Variants in PTPN13 observed in about 807,000 individuals in gnomAD.
PTPN13 encodes protein tyrosine phosphatase non-receptor type 13.
A neutral mutation model predicts 284.0 loss-of-function variants in PTPN13; 191 were observed. That is an observed-to-expected ratio of 0.67 (90% confidence interval 0.60 to 0.76). The LOEUF (loss-of-function observed/expected upper bound fraction) is 0.76. Ranked by LOEUF, PTPN13 falls within the 30% of genes least tolerant of loss-of-function variation. The pLI is 0.00. For missense variants in PTPN13, 2,797 were observed against 2,939.9 expected (o/e 0.95, Z 1.12); for synonymous variants, 986 against 1,022.3 (o/e 0.96, Z 0.68).
intron 2 of PTPN13, among the ~76,000 whole-genome samples, chr4:86,671,735 T>A (rs1273312091): frequency 2.0e-5 from 3 of 152,226 alleles, no homozygotes; most frequent in Admixed American, 6.5e-5. Flanking sequence ...AGATAAAATC[T>A]AAATTCAAGC....
chr4:86,680,450 G>T (rs918514428), intron 3 of PTPN13, among the ~76,000 whole-genome samples: 5 of 150,462 alleles, frequency 3.3e-5, no homozygotes, highest in Non-Finnish European at 5.9e-5. Flanking sequence ...TTTCACATAT[G>T]TACTTAATTG....
At position 86,775,446 on chromosome 4, in the gene PTPN13, T is replaced by G. The variant is rs762454567; in HGVS notation, c.5685T>G (p.Phe1895Leu). 6.2e-7 allele frequency: 1 copy of G among 1,603,806 alleles called. No homozygotes were observed. Among genetic ancestry groups the G allele is most frequent in the East Asian group, 2.2e-5 (1 of 44,806 alleles). ...TLTCNKEELG[F>L]SLCGGHDSLY... ...AATATTTTCTATTATTTCAAGGTTT[T>G]TCCTTATGTGGAGGTCATGACAGCC... Residue 1895 changes from phenylalanine (F) to leucine (L), a missense_variant, in exon 35 of 48, where the codon TTT (phenylalanine) becomes TTG (leucine). Coordinates refer to ENST00000411767, the MANE Select transcript of PTPN13 (RefSeq NM_080683.3).
chr4:86,783,039 A>C, intron 37 of PTPN13, among the ~76,000 whole-genome samples: 1 of 152,202 alleles, frequency 6.6e-6, no homozygotes, highest in Non-Finnish European at 1.5e-5. Context: ...TGTAAAATAC[A>C]GCGCTGAGGG....
At chr4:86,656,829 T>C (rs1725878155) in intron 2 of PTPN13, among the ~76,000 whole-genome samples, 1 of 152,082 alleles carries the variant, frequency 6.6e-6, no homozygotes, top group African/African-American at 2.4e-5. Context: ...AGAGGTGGAG[T>C]CTACAGAGGC....
intron 45 of PTPN13, among the ~76,000 whole-genome samples, chr4:86,808,245 T>G (rs983984294): frequency 4.6e-5 from 7 of 152,244 alleles, no homozygotes; most frequent in Non-Finnish European, 8.8e-5. Context: ...GTAGACTCAT[T>G]GAAACTACTT....
At chr4:86,654,431 T>C (rs947344738) in intron 2 of PTPN13, among the ~76,000 whole-genome samples, 3 of 152,192 alleles carry the variant, frequency 2.0e-5, no homozygotes, top group Non-Finnish European at 4.4e-5. Context: ...TCCCAGAGAT[T>C]CTGGTATGTT....
At chr4:86,655,680 T>C (rs1432373772) in intron 2 of PTPN13, among the ~76,000 whole-genome samples, 1 of 152,202 alleles carries the variant, frequency 6.6e-6, no homozygotes, top group African/African-American at 2.4e-5. Flanking sequence ...TAACATTTTT[T>C]CCTTCATTTC....
chr4:86,688,600 ATTATAT>A (rs1159184052), intron 4 of PTPN13, among the ~76,000 whole-genome samples: 1 of 152,108 alleles, frequency 6.6e-6, no homozygotes, highest in Non-Finnish European at 1.5e-5. Context: ...GGAGTATCTA[ATTATAT>A]TTATACACAT....
In PTPN13 at chr4:86,722,198, T is replaced by A; in HGVS notation, c.1386-14T>A. ...TTCCTCCCAATCCTCACCTGTCTCCTCTTTTCTATATAGCAGACAATATGA... is the reference window on the plus strand; with the variant it reads ...TTCCTCCCAATCCTCACCTGTCTCCACTTTTCTATATAGCAGACAATATGA... On this transcript the variant is annotated splice_polypyrimidine_tract_variant and intron_variant, in intron 9 of 47. Transcript: ENST00000411767. 2.5e-6 allele frequency: 4 copies of A among 1,596,552 alleles called. No individual in the cohort carries two copies. Among genetic ancestry groups the A allele is most frequent in the Non-Finnish European group, 2.6e-6 (3 of 1,164,368 alleles).
rs574708687 is a variant in PTPN13, at chr4:86,635,369, A to C, written c.113A>C (p.Lys38Thr). 22 of 1,590,932 alleles carry C rather than the reference A, an allele frequency of 1.4e-5. No homozygotes were observed. The East Asian group carries it at 4.6e-4, about 33-fold the overall frequency. ...SAESLQELFR[K>T]VSLADPAALG... ...GAAAGTCTCCAAGAATTATTCAGAA[A>C]AGGTAAGCTGCTGCTGCTGCTGCTG... The change falls in exon 2 of 48, where the codon AAA (lysine) becomes ACA (threonine). Residue 38 changes from lysine (K) to threonine (T), a missense_variant and splice_region_variant. Lys to Thr is a moderately conservative substitution (Grantham distance 78, BLOSUM62 -1). Coordinates refer to ENST00000411767, the MANE Select transcript of PTPN13 (RefSeq NM_080683.3).
At chr4:86,799,298 C>A in intron 42 of PTPN13, 94 bp downstream of exon 42, 5 of 683,402 alleles carry the variant, frequency 7.3e-6, no homozygotes, top group Non-Finnish European at 9.1e-6. Flanking sequence ...GCTGTTTTAC[C>A]ATATGTATAC....
intron 3 of PTPN13, among the ~76,000 whole-genome samples, chr4:86,674,642 A>G (rs1165954772): frequency 6.6e-6 from 1 of 152,206 alleles, no homozygotes; most frequent in Non-Finnish European, 1.5e-5. Context: ...GCAACCATTG[A>G]AAGGAGATAG....
chr4:86,666,652 AT>A (rs1727115997), intron 2 of PTPN13, among the ~76,000 whole-genome samples: 1 of 152,188 alleles, frequency 6.6e-6, no homozygotes, highest in Non-Finnish European at 1.5e-5. Context: ...AGACTCCCGA[AT>A]TGGAATTTCA....
At chr4:86,728,732 T>C (rs1734610343) in intron 10 of PTPN13, among the ~76,000 whole-genome samples, 1 of 142,616 alleles carries the variant, frequency 7.0e-6, no homozygotes, top group African/African-American at 2.5e-5. Context: ...AGCCTATGTG[T>C]TTCTCTGCAC....
At chr4:86,786,955 A>G (rs530293914) in intron 40 of PTPN13, among the ~76,000 whole-genome samples, 1 of 151,808 alleles carries the variant, frequency 6.6e-6, no homozygotes, top group African/African-American at 2.4e-5. Context: ...AATATAAAAA[A>G]TTAGCCAGAT....
At position 86,613,633 on chromosome 4, in the gene PTPN13, C is replaced by CAAAAAAAAAAAAA. The variant is rs544971012; in HGVS notation, c.-6+18850_-6+18862dup. Among the ~76,000 whole-genome samples the CAAAAAAAAAAAAA allele has an allele frequency of 3.3e-4, 20 of 61,526 alleles. 2 individuals are homozygous for CAAAAAAAAAAAAA. Among genetic ancestry groups the CAAAAAAAAAAAAA allele is most frequent in the African/African-American group, 9.8e-4 (17 of 17,330 alleles). The allele number at this position is 61,526 out of a possible 152,430, so 40.4% of individuals were successfully genotyped here. On this transcript the variant is annotated intron_variant, in intron 1 of 47. Transcript: ENST00000411767. ...TGGGCGACAAGGTGAGACTCCGTCT[C>CAAAAAAAAAAAAA]AAAAAAAAAAAAAAAAAAGAGTTTG...
Position 86,774,512 on chromosome 4 carries a change from C to T in PTPN13, c.5489C>T (p.Pro1830Leu). 1 of 1,601,424 alleles carries T rather than the reference C, an allele frequency of 6.2e-7. No homozygotes were observed. The highest frequency in any genetic ancestry group is 1.1e-5 in the South Asian group (1 of 88,140). ...GCCAAAAGTGATGGAAGGCTAAAACCTGGGGACCGGCTCATAAAGGTGAGA... is the reference window on the plus strand; with the variant it reads ...GCCAAAAGTGATGGAAGGCTAAAACTTGGGGACCGGCTCATAAAGGTGAGA... ...DPAKSDGRLK[P>L]GDRLIKVNDT... Residue 1830 changes from proline to leucine, a missense_variant, in exon 33 of 48, where the codon CCT (proline) becomes CTT (leucine). Transcript: ENST00000411767.
intron 2 of PTPN13, among the ~76,000 whole-genome samples, chr4:86,637,163 G>A (rs1723120459): frequency 6.6e-6 from 1 of 151,992 alleles, no homozygotes; most frequent in Non-Finnish European, 1.5e-5. Flanking sequence ...CCAATAACAG[G>A]ATCTGAAATT....
At chr4:86,785,719 C>T (rs1578666882) in intron 39 of PTPN13, 129 bp from the exon 40 acceptor site, 1 of 502,012 alleles carries the variant, frequency 2.0e-6, no homozygotes, top group East Asian at 3.4e-5. Flanking sequence ...CCTAACTTTT[C>T]TAGTTAAAAC....
Sources: gnomAD v4.1 joint callset for allele counts (sites outside exome capture counted in the v4.1 genomes callset) on GRCh38, gnomAD v4.1.1 for gene constraint, MANE v1.5 for transcripts, NCBI Gene and HGNC (gene_info 2026-07-23, HGNC 2026-07-21) for gene names.